PCDHA8: variants seen among roughly 807,000 people sequenced by gnomAD.
PCDHA8 encodes the protein protocadherin alpha-8.
Under a neutral mutation model 61.8 loss-of-function variants are expected in PCDHA8, and 53 were observed. The ratio of observed to expected loss-of-function variants is 0.86; its 90% CI spans 0.69 to 1.08. PCDHA8 has a LOEUF of 1.08. Among genes scored for constraint, PCDHA8 ranks in the 50% least tolerant of loss-of-function variants. The pLI, the probability that PCDHA8 is intolerant of heterozygous loss-of-function variation, is 0.00. For missense variants in PCDHA8, 1,293 were observed against 1,245.0 expected (o/e 1.04, Z -0.58); for synonymous variants, 618 against 556.6 (o/e 1.11, Z -1.55).
intron 1 of PCDHA8, among the ~76,000 whole-genome samples, chr5:140,886,712 G>A (rs950364984): frequency 1.3e-5 from 2 of 151,798 alleles, no homozygotes; most frequent in Middle Eastern, 3.4e-3. Flanking sequence ...TGTAATCCCA[G>A]CTACTTGGGA....
intron 1 of PCDHA8, chr5:140,883,536 T>C (rs1178559999): frequency 8.7e-6 from 14 of 1,614,202 alleles, no homozygotes; most frequent in Non-Finnish European, 1.2e-5. Flanking sequence ...GCCTATGAAC[T>C]GGTGGTGACC....
rs1274589805 is a variant in PCDHA8, at chr5:140,906,709, G to T, written c.2394+62994G>T. Among the ~76,000 whole-genome samples the T allele has an allele frequency of 3.3e-5, 5 of 152,190 alleles. No individual in the cohort carries two copies. In the East Asian group the frequency reaches 9.6e-4, roughly 29 times the overall value. ...AAGGATCTGGGCCATTTGTAGTCCT[G>T]CCTGGATTGTGCTGTTGTAGTTTCC... On this transcript the variant is annotated intron_variant, in intron 1 of 3. Transcript: ENST00000531613.
At chr5:140,848,691 T>C in intron 1 of PCDHA8, 1 of 1,592,078 alleles carries the variant, frequency 6.3e-7, no homozygotes, top group South Asian at 1.1e-5. Context: ...CCTGTTCCAG[T>C]TGGATTCCAA....
chr5:140,924,736 A>C (rs1554202112), intron 1 of PCDHA8, among the ~76,000 whole-genome samples: 1 of 151,866 alleles, frequency 6.6e-6, no homozygotes, highest in Non-Finnish European at 1.5e-5. Flanking sequence ...CTCTAATAAA[A>C]ATACAAAAAT....
At position 140,876,102 on chromosome 5, in the gene PCDHA8, A is replaced by G. The variant is rs1363448025; in HGVS notation, c.2394+32387A>G. 4 of 1,613,844 alleles carry G rather than the reference A, an allele frequency of 2.5e-6. No individual in the cohort carries two copies. The African/African-American group carries it at 4.0e-5, about 16-fold the overall frequency. ...GAGAGCAAACGCCAAAACTCAATTT[A>G]TTGCTGATGGTAATCGATGGCGGTA... On this transcript the variant is annotated intron_variant, in intron 1 of 3. Coordinates refer to ENST00000531613, the MANE Select transcript of PCDHA8 (RefSeq NM_018911.3).
At chr5:140,857,325 C>G (rs200630375) in intron 1 of PCDHA8, 2 of 1,598,630 alleles carry the variant, frequency 1.3e-6, no homozygotes, top group African/African-American at 1.3e-5. Flanking sequence ...GTGGTGACCG[C>G]GCGGGACGGG....
intron 1 of PCDHA8, chr5:140,967,438 C>T: frequency 6.2e-7 from 1 of 1,613,548 alleles, no homozygotes; most frequent in South Asian, 1.1e-5. Flanking sequence ...CCTTGCACCA[C>T]CTGGTTCTCA....
In PCDHA8 at chr5:140,844,917, G is replaced by T. The variant is rs2150375061; in HGVS notation, c.2394+1202G>T. On this transcript the variant is annotated intron_variant, in intron 1 of 3. Coordinates refer to ENST00000531613, the MANE Select transcript of PCDHA8 (RefSeq NM_018911.3). ...TGCTTTGGAGAGAATGGTAGAAATT[G>T]ATGGAAGGGAATGAACGATTTCTGG... 3.9e-4 allele frequency among the ~76,000 whole-genome samples: 58 copies of T among 149,480 alleles called. 5 individuals carry two copies. The highest frequency in any genetic ancestry group is 2.2e-3 in the Admixed American group (33 of 14,920).
At chr5:140,897,863 T>C (rs1432232591) in intron 1 of PCDHA8, among the ~76,000 whole-genome samples, 6 of 152,206 alleles carry the variant, frequency 3.9e-5, no homozygotes, top group Admixed American at 3.9e-4. Flanking sequence ...GTTTCCTGAC[T>C]TTTTAATGAT....
At chr5:140,882,606 C>T in intron 1 of PCDHA8, 2 of 1,614,238 alleles carry the variant, frequency 1.2e-6, no homozygotes, top group Non-Finnish European at 1.7e-6. Context: ...GTGGACAGGC[C>T]TCTGCAGGTT....
At chr5:140,884,388 T>C in intron 1 of PCDHA8, 1 of 1,613,960 alleles carries the variant, frequency 6.2e-7, no homozygotes, top group Non-Finnish European at 8.5e-7. Flanking sequence ...ATCTGCGCGG[T>C]GTCCAGCCTG....
intron 1 of PCDHA8, among the ~76,000 whole-genome samples, chr5:140,954,551 T>C (rs2095055563): frequency 6.6e-6 from 1 of 152,250 alleles, no homozygotes; most frequent in South Asian, 2.1e-4. Context: ...ATATGTTTGT[T>C]GGCTGCATGA....
At chr5:140,882,235 A>G (rs782339930) in intron 1 of PCDHA8, 9 of 1,580,864 alleles carry the variant, frequency 5.7e-6, no homozygotes, top group Admixed American at 1.8e-5. Flanking sequence ...CGTTGTATAT[A>G]TTGCAGATAG....
chr5:140,998,438 A>T (rs114296649), intron 3 of PCDHA8, among the ~76,000 whole-genome samples: 1,585 of 152,188 alleles, frequency 0.01, 12 homozygotes, highest in Middle Eastern at 0.058. Flanking sequence ...TAACACTATT[A>T]TTGTATTTAT....
At chr5:140,882,452 C>A (rs782448323) in intron 1 of PCDHA8, 1 of 1,614,042 alleles carries the variant, frequency 6.2e-7, no homozygotes, top group East Asian at 2.2e-5. Context: ...GCTGGTGCCG[C>A]GCCTGTTCCG....
At chr5:140,916,472 G>A (rs2077581791) in intron 1 of PCDHA8, among the ~76,000 whole-genome samples, 1 of 152,192 alleles carries the variant, frequency 6.6e-6, no homozygotes, top group Non-Finnish European at 1.5e-5. Context: ...TGGTTATTTG[G>A]TGCCCAAGGG....
chr5:140,968,477 G>T, intron 1 of PCDHA8: 1 of 1,614,112 alleles, frequency 6.2e-7, no homozygotes, highest in Non-Finnish European at 8.5e-7. Flanking sequence ...ATATGTGGTG[G>T]ACATGAATGA....
intron 3 of PCDHA8, 112 bp downstream of exon 3, chr5:140,982,675 T>A (rs782533593): frequency 1.3e-4 from 192 of 1,441,664 alleles, no homozygotes; most frequent in Middle Eastern, 9.1e-4. Flanking sequence ...ATTTTTGTTA[T>A]TCCCTTTTTT....
chr5:140,942,759 G>A (rs2093365403), intron 1 of PCDHA8, among the ~76,000 whole-genome samples: 1 of 152,074 alleles, frequency 6.6e-6, no homozygotes, highest in Admixed American at 6.6e-5. Context: ...AAATGAGATG[G>A]CATAATGTAT....
Sources: gnomAD v4.1 joint callset for allele counts (sites outside exome capture counted in the v4.1 genomes callset) on GRCh38, gnomAD v4.1.1 for gene constraint, MANE v1.5 for transcripts, NCBI Gene and HGNC (gene_info 2026-07-23, HGNC 2026-07-21) for gene names.